Variants in CYFIP2 observed in about 807,000 individuals in gnomAD.
The protein encoded by CYFIP2 is cytoplasmic FMR1 interacting protein 2.
CYFIP2 carries 29 observed loss-of-function variants against 158.7 expected under a neutral mutation model. The ratio of observed to expected loss-of-function variants is 0.18; its 90% CI spans 0.14 to 0.25. CYFIP2 has a LOEUF of 0.25. Among genes scored for constraint, CYFIP2 ranks in the 10% least tolerant of loss-of-function variants. The probability of loss-of-function intolerance (pLI) is 1.00; values close to 1 mark genes in which losing one functional copy is unlikely to be tolerated. For synonymous variants in CYFIP2, 585 were observed against 617.6 expected (o/e 0.95, Z 0.78); for missense variants, 852 against 1,639.5 (o/e 0.52, Z 8.29).
intron 28 of CYFIP2, among the ~76,000 whole-genome samples, chr5:157,383,975 T>C (rs904209381): frequency 6.6e-6 from 1 of 152,196 alleles, no homozygotes; most frequent in Non-Finnish European, 1.5e-5. Context: ...TTTTTTTAAA[T>C]GCACACAACA....
intron 28 of CYFIP2, among the ~76,000 whole-genome samples, chr5:157,386,371 C>T (rs191969410): frequency 3.9e-5 from 6 of 152,062 alleles, no homozygotes; most frequent in Non-Finnish European, 5.9e-5. Flanking sequence ...GCGCACAACA[C>T]CATACCTGGA....
chr5:157,355,581 G>A (rs574209210), intron 23 of CYFIP2, among the ~76,000 whole-genome samples: 1 of 152,282 alleles, frequency 6.6e-6, no homozygotes, highest in East Asian at 1.9e-4. Flanking sequence ...GAACTGAGGT[G>A]TGCCCACCCC....
intron 28 of CYFIP2, among the ~76,000 whole-genome samples, chr5:157,386,998 G>A (rs1766765360): frequency 1.3e-5 from 2 of 149,496 alleles, no homozygotes; most frequent in Non-Finnish European, 3.0e-5. Context: ...AACAATTTAA[G>A]ATAACCAAGT....
At chr5:157,300,371 C>T (rs1758637738) in intron 5 of CYFIP2, among the ~76,000 whole-genome samples, 1 of 151,726 alleles carries the variant, frequency 6.6e-6, no homozygotes, top group South Asian at 2.1e-4. Context: ...CCCGTCTCTA[C>T]TAAAAATAGA....
chr5:157,321,833 G>T (rs991017419), intron 15 of CYFIP2, among the ~76,000 whole-genome samples: 1 of 152,202 alleles, frequency 6.6e-6, no homozygotes, highest in Non-Finnish European at 1.5e-5. Flanking sequence ...AATCTCACCG[G>T]CTGGTTGTAG....
intron 1 of CYFIP2, among the ~76,000 whole-genome samples, chr5:157,268,619 A>G (rs929161919): frequency 6.6e-6 from 1 of 152,214 alleles, no homozygotes; most frequent in Non-Finnish European, 1.5e-5. Context: ...TCTTTGGACC[A>G]CTGTTGGCCC....
At chr5:157,322,349 G>A (rs953684153) in intron 15 of CYFIP2, among the ~76,000 whole-genome samples, 4 of 152,196 alleles carry the variant, frequency 2.6e-5, no homozygotes, top group Middle Eastern at 3.2e-3. Context: ...GTAGACATGG[G>A]CATCTTGCAT....
intron 23 of CYFIP2, among the ~76,000 whole-genome samples, chr5:157,344,966 C>A (rs909314667): frequency 2.9e-4 from 44 of 152,310 alleles, no homozygotes; most frequent in Middle Eastern, 3.4e-3. Flanking sequence ...GTAAGGGTAA[C>A]AGTGAACTAA....
At chr5:157,343,651 C>G (rs901749486) in intron 23 of CYFIP2, 2 of 867,048 alleles carry the variant, frequency 2.3e-6, no homozygotes, top group African/African-American at 3.4e-5. Flanking sequence ...TCATGTTGCC[C>G]TCATCTTACA....
chr5:157,329,228 C>T (rs896030215), intron 19 of CYFIP2, among the ~76,000 whole-genome samples: 16 of 152,208 alleles, frequency 1.1e-4, no homozygotes, highest in Non-Finnish European at 2.9e-5. Context: ...GAGAACACAG[C>T]CTTTCACAAA....
At chr5:157,313,451 T>C (rs1759900765) in intron 11 of CYFIP2, among the ~76,000 whole-genome samples, 1 of 152,156 alleles carries the variant, frequency 6.6e-6, no homozygotes, top group South Asian at 2.1e-4. Flanking sequence ...CCATTTTAAA[T>C]TGAACAATTA....
rs775613889 is a variant in CYFIP2 at position 157,307,655 on chromosome 5, G to GTGTGTGTA, written c.796-105_796-104insGTGTGTAT. 1.8e-5 allele frequency: 11 copies of GTGTGTGTA among 614,048 alleles called. No homozygotes were observed. The Middle Eastern group carries it at 9.1e-4, about 51-fold the overall frequency. The allele number at this position is 614,048 out of a possible 1,614,324, so 38.0% of individuals were successfully genotyped here. On this transcript the variant is annotated intron_variant, in intron 8 of 30. Coordinates refer to ENST00000620254, the MANE Select transcript of CYFIP2 (RefSeq NM_001037333.3). The stretch of plus-strand genomic sequence containing the variant: ...CTACAGGGTGTGTGTGTGTGTGTGT[G>GTGTGTGTA]TATGTGTGTGTGTGTGTGTGACACA...
At chr5:157,305,688 A>AT (rs1759157780) in intron 8 of CYFIP2, among the ~76,000 whole-genome samples, 2 of 152,028 alleles carry the variant, frequency 1.3e-5, no homozygotes, top group Non-Finnish European at 2.9e-5. Context: ...TTTTTTAAAA[A>AT]ATTTTTTGTA....
chr5:157,390,482 C>A, intron 29 of CYFIP2, 39 bp from the exon 30 acceptor site: 2 of 1,530,756 alleles, frequency 1.3e-6, no homozygotes, highest in Non-Finnish European at 1.8e-6. Context: ...CCTCCTCCCC[C>A]GACCTCTCAC....
At chr5:157,363,907 C>T (rs1764089234) in intron 26 of CYFIP2, 1 of 152,030 alleles carries the variant, frequency 6.6e-6, no homozygotes, top group Non-Finnish European at 1.5e-5. Context: ...TGGGATGAAC[C>T]AGTTCATTTC....
intron 1 of CYFIP2, among the ~76,000 whole-genome samples, chr5:157,273,178 T>A (rs1756252883): frequency 6.6e-6 from 1 of 152,190 alleles, no homozygotes; most frequent in African/African-American, 2.4e-5. Context: ...GTCCTTTTCT[T>A]TTAAAGCTCT....
In CYFIP2 at chr5:157,394,037, CA is replaced by C. The variant is rs1767557647; in HGVS notation, c.*1040del. Reference sequence around the variant, plus strand: ...AATACCAAGATACACCCCCTGCCCCCAAAGAAGAGTCCTCTTTTAGGGAATC... The same window carrying C: ...AATACCAAGATACACCCCCTGCCCCCAAGAAGAGTCCTCTTTTAGGGAATC... On this transcript the variant is annotated 3_prime_UTR_variant, in exon 31 of 31. Transcript: ENST00000620254. 6.6e-6 allele frequency: 1 copy of C among 152,156 alleles called. No individual in the cohort carries two copies. The highest frequency in any genetic ancestry group is 2.1e-4 in the South Asian group (1 of 4,828). The allele number at this position is 152,156 out of a possible 1,614,324, so 9.4% of individuals were successfully genotyped here.
At chr5:157,305,768 G>A (rs981212297) in intron 8 of CYFIP2, among the ~76,000 whole-genome samples, 2 of 152,188 alleles carry the variant, frequency 1.3e-5, no homozygotes, top group Non-Finnish European at 2.9e-5. Flanking sequence ...GCCCGCCTCG[G>A]CCTCCAAAAG....
intron 6 of CYFIP2, 148 bp from the exon 7 acceptor site, chr5:157,302,646 G>A (rs1758870006): frequency 1.5e-5 from 9 of 595,788 alleles, no homozygotes; most frequent in East Asian, 2.9e-5. Flanking sequence ...ACTCTGTTTC[G>A]ACATTAGTGT....
Sources: gnomAD v4.1 joint callset for allele counts (sites outside exome capture counted in the v4.1 genomes callset) on GRCh38, gnomAD v4.1.1 for gene constraint, MANE v1.5 for transcripts, NCBI Gene and HGNC (gene_info 2026-07-23, HGNC 2026-07-21) for gene names.